DYNC2LI1: variants seen among roughly 807,000 people sequenced by gnomAD.
DYNC2LI1 encodes the protein cytoplasmic dynein 2 light intermediate chain 1.
In DYNC2LI1, 45 loss-of-function variants were observed where a neutral mutation model predicts 51.9. The ratio of observed to expected loss-of-function variants is 0.87; its 90% CI spans 0.68 to 1.11. DYNC2LI1 has a LOEUF of 1.11. Among genes scored for constraint, DYNC2LI1 ranks in the 50% most tolerant of loss-of-function variants. The pLI is 0.00. For synonymous variants in DYNC2LI1, 130 were observed against 137.8 expected (o/e 0.94, Z 0.40); for missense variants, 490 against 417.4 (o/e 1.17, Z -1.51).
rs546915589 is a variant in DYNC2LI1 at position 43,795,847 on chromosome 2, A to C, written c.508-43A>C. On this transcript the variant is annotated intron_variant, in intron 6 of 12. Transcript: ENST00000260605. ...AAATAGAAATTGCTAAGCACCTAGC[A>C]ATAAAGAATTACAACAACTCAAGGA... The C allele has an allele frequency of 6.1e-6, 9 of 1,479,062 alleles. No individual in the cohort carries two copies. In the East Asian group the frequency reaches 2.0e-4, roughly 34 times the overall value. The allele number at this position is 1,479,062 out of a possible 1,614,324, so 91.6% of individuals were successfully genotyped here. A position where few individuals can be genotyped will look rare whatever the true frequency, so the allele number is the denominator to read the frequency against.
chr2:43,822,745 G>A, the DYNC2LI1 span: 1 of 1,613,198 alleles, frequency 6.2e-7, no homozygotes. Context: ...AGTCCCACTA[G>A]CTCCATGACT....
chr2:43,812,419 A>G (rs1043587059), downstream of DYNC2LI1: 3 of 151,774 alleles, frequency 2.0e-5, no homozygotes, highest in African/African-American at 7.3e-5. Context: ...AAAGTGAAAA[A>G]TAGCAAACGA....
intron 8 of DYNC2LI1, among the ~76,000 whole-genome samples, 155 bp from the exon 9 acceptor site, chr2:43,800,686 C>T (rs1211086705): frequency 6.6e-6 from 1 of 152,086 alleles, no homozygotes; most frequent in Non-Finnish European, 1.5e-5. Context: ...TTTCTTTATT[C>T]AGGTTTTGTT....
chr2:43,797,610 C>T (rs918885773), intron 8 of DYNC2LI1, among the ~76,000 whole-genome samples: 3 of 148,608 alleles, frequency 2.0e-5, no homozygotes, highest in Non-Finnish European at 4.4e-5. Flanking sequence ...ACCTCTATCT[C>T]CTGGGTTCAA....
Position 43,787,269 on chromosome 2 carries a change from G to C in DYNC2LI1, c.231+19G>C. The stretch of plus-strand genomic sequence containing the variant: ...CAACACAGTAAGTGTCTTTTAAAGT[G>C]ACATTGCTATGCCCATAGATGGGAA... On this transcript the variant is annotated intron_variant, in intron 4 of 12. Transcript: ENST00000260605. 6.3e-7 allele frequency: 1 copy of C among 1,587,324 alleles called. No individual in the cohort carries two copies. The highest frequency in any genetic ancestry group is 1.1e-5 in the South Asian group (1 of 89,806).
chr2:43,789,937 C>T (rs1673698564), intron 5 of DYNC2LI1, among the ~76,000 whole-genome samples: 1 of 152,102 alleles, frequency 6.6e-6, no homozygotes, highest in African/African-American at 2.4e-5. Flanking sequence ...AGCTGACATT[C>T]CCCCCAGTAA....
chr2:43,826,629 C>T, the DYNC2LI1 span: 3 of 1,532,398 alleles, frequency 2.0e-6, 1 homozygote, highest in East Asian at 2.3e-5. Flanking sequence ...CCCATTCAAA[C>T]AGTGTGCGGT....
At chr2:43,786,797 G>T (rs1182259057) in intron 3 of DYNC2LI1, among the ~76,000 whole-genome samples, 2 of 152,126 alleles carry the variant, frequency 1.3e-5, no homozygotes, top group African/African-American at 2.4e-5. Context: ...CTGCACTCCA[G>T]CCTGGGCGAC....
At position 43,793,024 on chromosome 2, in the gene DYNC2LI1, G is replaced by C. The variant is rs978421860; in HGVS notation, c.321-1433G>C. On this transcript the variant is annotated intron_variant, in intron 5 of 12. Coordinates refer to ENST00000260605, the MANE Select transcript of DYNC2LI1 (RefSeq NM_016008.4). The stretch of plus-strand genomic sequence containing the variant: ...TCTTTTGGGTTTAGACTCAGAAGTG[G>C]AATTGCTGGATCATCTGGTAATTCT... 1.4e-5 allele frequency: 5 copies of C among 348,136 alleles called. No homozygotes were observed. The South Asian group carries it at 1.8e-4, about 13-fold the overall frequency. 21.6% of individuals were successfully genotyped at this position (348,136 alleles called of 1,614,324 possible).
At chr2:43,824,435 A>T in the DYNC2LI1 span, 1 of 1,613,502 alleles carries the variant, frequency 6.2e-7, no homozygotes, top group Non-Finnish European at 8.5e-7. Flanking sequence ...CAGGTCCACT[A>T]AAAGTTTTTC....
At chr2:43,795,810 G>A in intron 6 of DYNC2LI1, 80 bp from the exon 7 acceptor site, 1 of 1,075,970 alleles carries the variant, frequency 9.3e-7, no homozygotes. Flanking sequence ...AAAATGGAAT[G>A]TTTTTGGAAG....
chr2:43,777,287 A>G (rs934143110), intron 2 of DYNC2LI1, among the ~76,000 whole-genome samples: 1 of 152,178 alleles, frequency 6.6e-6, no homozygotes, highest in East Asian at 1.9e-4. Flanking sequence ...TGTCAATGAT[A>G]TTTGTTACAG....
At chr2:43,782,416 T>C (rs1673333300) in intron 2 of DYNC2LI1, among the ~76,000 whole-genome samples, 1 of 152,014 alleles carries the variant, frequency 6.6e-6, no homozygotes, top group South Asian at 2.1e-4. Context: ...AAAACACATA[T>C]AATAAGTGTT....
the DYNC2LI1 span, chr2:43,822,863 G>A: frequency 4.3e-6 from 7 of 1,614,126 alleles, no homozygotes; most frequent in South Asian, 7.7e-5. Flanking sequence ...CAGTGCATAG[G>A]CCAGCATCAT....
chr2:43,822,708 A>C, the DYNC2LI1 span: 1 of 1,585,086 alleles, frequency 6.3e-7, no homozygotes, highest in Non-Finnish European at 8.6e-7. Flanking sequence ...AGAGCAGAGA[A>C]CTTCACCCTG....
chr2:43,801,524 C>G (rs112907205), intron 9 of DYNC2LI1, 115 bp from the exon 10 acceptor site: 5 of 657,996 alleles, frequency 7.6e-6, no homozygotes, highest in East Asian at 2.7e-5. Context: ...GGGCAATGCT[C>G]TCATTAGTGG....
intron 10 of DYNC2LI1, among the ~76,000 whole-genome samples, chr2:43,803,565 A>T (rs10194949): frequency 0.14 from 21,562 of 152,084 alleles, 2,166 homozygotes; most frequent in African/African-American, 0.27. Flanking sequence ...GGAGGAGGTT[A>T]TGTCTATAAA....
In DYNC2LI1 at chr2:43,787,075, C is replaced by A. The variant is rs200725324; in HGVS notation, c.162-106C>A. On this transcript the variant is annotated intron_variant, in intron 3 of 12. Coordinates refer to ENST00000260605, the MANE Select transcript of DYNC2LI1 (RefSeq NM_016008.4). ...AACGCTATTATACAAGGTAACTTCT[C>A]TACTAATAAAGTTTTCAAGAGGAAG... 2.0e-4 allele frequency: 161 copies of A among 807,370 alleles called. 2 individuals are homozygous for A. In the East Asian group the frequency reaches 4.1e-3, roughly 21 times the overall value. 50.0% of individuals were successfully genotyped at this position (807,370 alleles called of 1,614,324 possible).
chr2:43,811,912 C>CCTATTTA (rs1362619689), downstream of DYNC2LI1, among the ~76,000 whole-genome samples: 1 of 152,120 alleles, frequency 6.6e-6, no homozygotes, highest in Non-Finnish European at 1.5e-5. Context: ...TTTTTAATAA[C>CCTATTTA]CTATTTACAT....
Sources: gnomAD v4.1 joint callset for allele counts (sites outside exome capture counted in the v4.1 genomes callset) on GRCh38, gnomAD v4.1.1 for gene constraint, MANE v1.5 for transcripts, NCBI Gene and HGNC (gene_info 2026-07-23, HGNC 2026-07-21) for gene names.